MLF1: variants seen among roughly 807,000 people sequenced by gnomAD.
The protein encoded by MLF1 is myeloid leukemia factor 1.
A neutral mutation model predicts 38.3 loss-of-function variants in MLF1; 37 were observed. That is an observed-to-expected ratio of 0.96 (90% confidence interval 0.74 to 1.27). The LOEUF (loss-of-function observed/expected upper bound fraction) is 1.27, where lower values mean the gene tolerates loss of function less well. MLF1 is among the 50% of genes most tolerant of loss of function. MLF1 has a pLI of 0.00. For synonymous variants in MLF1, 95 were observed against 106.5 expected (o/e 0.89, Z 0.66); for missense variants, 331 against 349.2 (o/e 0.95, Z 0.42).
chr3:158,574,522 A>AAAAAAAC (rs1553830583), intron 1 of MLF1, among the ~76,000 whole-genome samples: 2 of 146,016 alleles, frequency 1.4e-5, no homozygotes, highest in African/African-American at 5.2e-5. Context: ...AAAAAAAAAA[A>AAAAAAAC]AAAAATACAA....
At chr3:158,601,282 A>C (rs1560112266) in intron 6 of MLF1, among the ~76,000 whole-genome samples, 1 of 152,072 alleles carries the variant, frequency 6.6e-6, no homozygotes, top group Non-Finnish European at 1.5e-5. Context: ...AAAATACAAA[A>C]ATCAGGGCCC....
intron 1 of MLF1, among the ~76,000 whole-genome samples, chr3:158,589,500 G>A (rs917598320): frequency 2.6e-5 from 4 of 152,084 alleles, no homozygotes; most frequent in South Asian, 2.1e-4. Context: ...ATGAGCCACC[G>A]CGCCCAGCCC....
intron 1 of MLF1, among the ~76,000 whole-genome samples, chr3:158,585,278 G>T (rs1388250756): frequency 6.6e-6 from 1 of 151,990 alleles, no homozygotes; most frequent in Non-Finnish European, 1.5e-5. Context: ...AGAGCTGGTT[G>T]TTAAAAAGAG....
intron 1 of MLF1, among the ~76,000 whole-genome samples, chr3:158,587,041 T>G (rs899280976): frequency 1.3e-5 from 2 of 152,196 alleles, no homozygotes; most frequent in Admixed American, 1.3e-4. Context: ...TGAGACAGTT[T>G]GCATTAAAAC....
chr3:158,575,388 A>G (rs577771293), intron 1 of MLF1, among the ~76,000 whole-genome samples: 1 of 152,282 alleles, frequency 6.6e-6, no homozygotes, highest in Non-Finnish European at 1.5e-5. Flanking sequence ...ACACTTAACA[A>G]TTTCTTTTCT....
Position 158,591,681 on chromosome 3 carries a change from G to A in MLF1, c.48-753G>A, listed in dbSNP as rs555745737. Among the ~76,000 whole-genome samples, 79 of 152,074 alleles carry A rather than the reference G, an allele frequency of 5.2e-4. 2 individuals carry two copies. The South Asian group carries it at 0.016, about 31-fold the overall frequency. ...CCTTAAGTTCTAGAACGAGGAATAA[G>A]GAATTGATTAGTGGGTCAGTAACTG... On this transcript the variant is annotated intron_variant, in intron 1 of 7. Transcript: ENST00000466246.
At chr3:158,593,289 C>A (rs1290760068) in intron 2 of MLF1, 93 bp from the exon 3 acceptor site, 11 of 941,606 alleles carry the variant, frequency 1.2e-5, no homozygotes, top group Non-Finnish European at 1.7e-5. Flanking sequence ...TGAAATGTAG[C>A]AATTTGAAAT....
intron 1 of MLF1, among the ~76,000 whole-genome samples, chr3:158,582,418 C>A (rs1330613860): frequency 6.6e-6 from 1 of 151,694 alleles, no homozygotes; most frequent in African/African-American, 2.4e-5. Flanking sequence ...GGAACAGAAG[C>A]AATATTTGAA....
At chr3:158,579,190 A>G (rs1378542173) in intron 1 of MLF1, among the ~76,000 whole-genome samples, 1 of 152,202 alleles carries the variant, frequency 6.6e-6, no homozygotes, top group African/African-American at 2.4e-5. Context: ...TTTTATTTTC[A>G]AAAGAGAACA....
intron 1 of MLF1, among the ~76,000 whole-genome samples, chr3:158,588,429 C>G (rs1179709861): frequency 1.3e-5 from 2 of 152,020 alleles, no homozygotes; most frequent in East Asian, 3.9e-4. Flanking sequence ...CGGTGAAACC[C>G]CGTCTCTACT....
At position 158,571,221 on chromosome 3, in the gene MLF1, T is replaced by C. The variant is rs776976261; in HGVS notation, c.-80T>C. The C allele has an allele frequency of 1.0e-4, 120 of 1,190,872 alleles. No homozygotes were observed. Among genetic ancestry groups the C allele is most frequent in the Non-Finnish European group, 1.3e-4 (105 of 805,508 alleles). The allele number at this position is 1,190,872 out of a possible 1,614,324, so 73.8% of individuals were successfully genotyped here. A position where few individuals can be genotyped will look rare whatever the true frequency, so the allele number is the denominator to read the frequency against. Reference sequence around the variant, plus strand: ...GTGAGGCGTCGTCCGTACTGGAGGCTAGCTCTTGTCGCGGCCGCGGCGAGT... The same window carrying C: ...GTGAGGCGTCGTCCGTACTGGAGGCCAGCTCTTGTCGCGGCCGCGGCGAGT... On this transcript the variant is annotated 5_prime_UTR_variant, in exon 1 of 8. Coordinates refer to ENST00000466246, the MANE Select transcript of MLF1 (RefSeq NM_001369783.1).
At chr3:158,574,322 G>A (rs181015738) in intron 1 of MLF1, among the ~76,000 whole-genome samples, 7 of 151,960 alleles carry the variant, frequency 4.6e-5, no homozygotes, top group Admixed American at 3.3e-4. Context: ...TTGGGATATG[G>A]ACAGTGTTAT....
At chr3:158,573,401 C>CT (rs1714866959) in intron 1 of MLF1, 1 of 19,192 alleles carries the variant, frequency 5.2e-5, no homozygotes, top group Non-Finnish European at 9.8e-5. Flanking sequence ...AGGAGGGCGG[C>CT]GGGGGGGGGG....
chr3:158,586,276 T>C (rs558704020), intron 1 of MLF1, among the ~76,000 whole-genome samples: 9 of 151,814 alleles, frequency 5.9e-5, no homozygotes, highest in African/African-American at 1.7e-4. Flanking sequence ...AAAAAATATA[T>C]ATAAAAAAAC....
intron 4 of MLF1, 119 bp from the exon 5 acceptor site, chr3:158,597,961 C>A: frequency 9.1e-7 from 1 of 1,096,614 alleles, no homozygotes; most frequent in Non-Finnish European, 1.3e-6. Context: ...TTGACTACAC[C>A]ATATTGGTAG....
At position 158,605,575 on chromosome 3, in the gene MLF1, T is replaced by C. The variant is rs991834262; in HGVS notation, c.*373T>C. On this transcript the variant is annotated 3_prime_UTR_variant, in exon 8 of 8. Transcript: ENST00000466246. ...TATAATTAGTTATAAGAAATTATAA[T>C]GTTAAAAAAGTCTCAGTTTTTACTA... is the stretch of plus-strand genomic sequence containing the variant. The C allele has an allele frequency of 9.9e-6, 2 of 202,582 alleles. No individual in the cohort carries two copies. The highest frequency in any genetic ancestry group is 4.6e-5 in the African/African-American group (2 of 43,576). The allele number at this position is 202,582 out of a possible 1,614,324, so 12.5% of individuals were successfully genotyped here.
At chr3:158,579,105 A>C (rs564841919) in intron 1 of MLF1, among the ~76,000 whole-genome samples, 1 of 152,170 alleles carries the variant, frequency 6.6e-6, no homozygotes, top group Non-Finnish European at 1.5e-5. Flanking sequence ...CTTTGTGTAC[A>C]TGAAATGACT....
chr3:158,592,800 A>T (rs1356113654), intron 2 of MLF1, among the ~76,000 whole-genome samples: 1 of 152,200 alleles, frequency 6.6e-6, no homozygotes, highest in Non-Finnish European at 1.5e-5. Flanking sequence ...TTAGGTCCAT[A>T]GAAGCATATA....
intron 3 of MLF1, among the ~76,000 whole-genome samples, chr3:158,596,578 T>C (rs762255068): frequency 6.6e-6 from 1 of 152,164 alleles, no homozygotes; most frequent in Non-Finnish European, 1.5e-5. Flanking sequence ...AATGAGTGAT[T>C]AGGTGTGTAT....
Sources: allele counts gnomAD v4.1 joint callset (sites outside exome capture counted in the v4.1 genomes callset), GRCh38; gene constraint gnomAD v4.1.1; transcripts MANE v1.5; gene names NCBI Gene and HGNC (gene_info 2026-07-23, HGNC 2026-07-21).